The following B3GALT1 variants were observed in gnomAD, a reference collection of about 807,000 sequenced individuals.
The protein encoded by B3GALT1 is beta-1,3-galactosyltransferase 1.
B3GALT1 carries 10 observed loss-of-function variants against 23.2 expected under a neutral mutation model. That is an observed-to-expected ratio of 0.43 (90% CI 0.27 to 0.73). B3GALT1 has a LOEUF of 0.73. B3GALT1 is among the 30% of genes least tolerant of loss of function. The pLI is 0.21. For synonymous variants in B3GALT1, 156 were observed against 141.5 expected, an observed-to-expected ratio of 1.10 and a Z score of -0.73; for missense variants, 299 against 405.4, an observed-to-expected ratio of 0.74 and a Z score of 2.25.
chr2:167,714,246 G>A (rs1220035769), intron 3 of B3GALT1: 42 of 1,502,678 alleles, frequency 2.8e-5, no homozygotes, highest in Non-Finnish European at 3.7e-5. Flanking sequence ...CCTGGTGGAG[G>A]AAACATCATC....
intron 3 of B3GALT1, among the ~76,000 whole-genome samples, chr2:167,808,403 G>A (rs572176105): frequency 1.5e-4 from 23 of 151,580 alleles, no homozygotes; most frequent in Middle Eastern, 3.4e-3. Context: ...AGCCTCAATG[G>A]TCTTTACAGT....
At chr2:167,337,568 C>T (rs527554255) in intron 1 of B3GALT1, among the ~76,000 whole-genome samples, 1 of 152,054 alleles carries the variant, frequency 6.6e-6, no homozygotes, top group African/African-American at 2.4e-5. Context: ...CATTTGCTAA[C>T]TGTCATGCTA....
intron 1 of B3GALT1, among the ~76,000 whole-genome samples, chr2:167,422,954 ACAT>A (rs1260910137): frequency 2.6e-5 from 4 of 152,280 alleles, no homozygotes; most frequent in Admixed American, 6.5e-5. Context: ...AGCTATAGAA[ACAT>A]CATTCAGAAA....
intron 4 of B3GALT1, among the ~76,000 whole-genome samples, chr2:167,859,513 T>C (rs1027975788): frequency 6.6e-6 from 1 of 152,138 alleles, no homozygotes; most frequent in African/African-American, 2.4e-5. Context: ...GACATCCTCA[T>C]CCCAACCACT....
intron 2 of B3GALT1, among the ~76,000 whole-genome samples, chr2:167,526,408 C>T (rs1257271247): frequency 6.6e-6 from 1 of 152,166 alleles, no homozygotes; most frequent in Non-Finnish European, 1.5e-5. Context: ...AACCCCACAA[C>T]AAACATAAAG....
At chr2:167,792,764 A>C (rs1247256309) in intron 3 of B3GALT1, among the ~76,000 whole-genome samples, 1 of 152,188 alleles carries the variant, frequency 6.6e-6, no homozygotes, top group Admixed American at 6.5e-5. Flanking sequence ...CTGGATAGAC[A>C]CAGAGCCCCA....
chr2:167,639,304 AGTACCCTCCTAGAT>A lies in B3GALT1; in HGVS notation c.-409-7602_-409-7589del, dbSNP rs372720333. ...ATGTTGCAAATTTGACTATTTCCAC[AGTACCCTCCTAGAT>A]GTCTGATACCTGGTTTGCCTGTGAT... On this transcript the variant is annotated intron_variant, in intron 2 of 4. Coordinates refer to ENST00000392690, the MANE Select transcript of B3GALT1 (RefSeq NM_020981.4). Among the ~76,000 whole-genome samples, 929 of 152,182 alleles carry A rather than the reference AGTACCCTCCTAGAT, an allele frequency of 6.1e-3. 10 individuals are homozygous for A. The highest frequency in any genetic ancestry group is 0.021 in the African/African-American group (874 of 41,558).
chr2:167,821,072 C>CCT (rs1689095555), intron 4 of B3GALT1, among the ~76,000 whole-genome samples: 1 of 152,162 alleles, frequency 6.6e-6, no homozygotes, highest in South Asian at 2.1e-4. Context: ...GAGCTAAGAG[C>CCT]CTCTATCCTT....
At position 167,483,243 on chromosome 2, in the gene B3GALT1, A is replaced by C. The variant is rs76203730; in HGVS notation, c.-510-6934A>C. Among the ~76,000 whole-genome samples the C allele has an allele frequency of 3.6e-3, 545 of 152,194 alleles. 20 individuals are homozygous for C. The East Asian group carries it at 0.078, about 22-fold the overall frequency. Reference sequence around the variant, plus strand: ...GGGAGATGGAGGTTGTGGTGAGCTGAGATCGCGCCATTGCACTCCAGCCTG... The same window carrying C: ...GGGAGATGGAGGTTGTGGTGAGCTGCGATCGCGCCATTGCACTCCAGCCTG... On this transcript the variant is annotated intron_variant, in intron 1 of 4. Coordinates refer to ENST00000392690, the MANE Select transcript of B3GALT1 (RefSeq NM_020981.4).
intron 1 of B3GALT1, among the ~76,000 whole-genome samples, chr2:167,324,917 C>A (rs140462257): frequency 6.6e-6 from 1 of 152,230 alleles, no homozygotes; most frequent in Non-Finnish European, 1.5e-5. Context: ...ATTCCACTCT[C>A]CACCTCTACG....
intron 2 of B3GALT1, among the ~76,000 whole-genome samples, chr2:167,496,925 G>A (rs1699790734): frequency 6.6e-6 from 1 of 152,112 alleles, no homozygotes; most frequent in South Asian, 2.1e-4. Context: ...CTCCAGCACT[G>A]TAGAAGTACA....
chr2:167,674,525 T>G (rs1174490798), intron 3 of B3GALT1, among the ~76,000 whole-genome samples: 2 of 152,212 alleles, frequency 1.3e-5, no homozygotes, highest in Non-Finnish European at 2.9e-5. Flanking sequence ...TCAGATAAGC[T>G]TTTCTCAAAG....
chr2:167,692,688 A>G (rs368306961), intron 3 of B3GALT1, among the ~76,000 whole-genome samples: 2 of 152,070 alleles, frequency 1.3e-5, no homozygotes, highest in East Asian at 3.9e-4. Flanking sequence ...TATATTTCTG[A>G]TTAATAATAA....
Position 167,654,921 on chromosome 2 carries a change from G to A in B3GALT1, c.-352+7955G>A, listed in dbSNP as rs553728971. On this transcript the variant is annotated intron_variant, in intron 3 of 4. Coordinates refer to ENST00000392690, the MANE Select transcript of B3GALT1 (RefSeq NM_020981.4). Reference sequence around the variant, plus strand: ...CCCACTAAATCAGTAGTTAGTGTCTGTAATTATCTGGGGAGGATAATGAAG... The same window carrying A: ...CCCACTAAATCAGTAGTTAGTGTCTATAATTATCTGGGGAGGATAATGAAG... Among the ~76,000 whole-genome samples the A allele has an allele frequency of 1.5e-4, 22 of 151,420 alleles. 1 individual carries two copies. In the East Asian group the frequency reaches 4.3e-3, roughly 29 times the overall value.
intron 1 of B3GALT1, among the ~76,000 whole-genome samples, chr2:167,299,545 C>A (rs527940991): frequency 5.1e-4 from 77 of 152,142 alleles, no homozygotes; most frequent in Admixed American, 1.6e-3. Context: ...ATGAGTAATG[C>A]ATGTTGATTT....
At chr2:167,756,771 A>G (rs552663454) in intron 3 of B3GALT1, among the ~76,000 whole-genome samples, 1 of 152,338 alleles carries the variant, frequency 6.6e-6, no homozygotes, top group Admixed American at 6.5e-5. Context: ...AAAGAGAAAG[A>G]AACTATGCGG....
intron 3 of B3GALT1, chr2:167,715,667 T>G: frequency 6.2e-7 from 1 of 1,613,566 alleles, no homozygotes; most frequent in Non-Finnish European, 8.5e-7. Flanking sequence ...CCTGTTCAGC[T>G]TTTCACAGGT....
chr2:167,765,615 C>T (rs1296183734), intron 3 of B3GALT1, among the ~76,000 whole-genome samples: 1 of 152,140 alleles, frequency 6.6e-6, no homozygotes, highest in Non-Finnish European at 1.5e-5. Flanking sequence ...TCTTATTCGG[C>T]TGTAATTAAT....
At chr2:167,767,640 A>G (rs953870703) in intron 3 of B3GALT1, among the ~76,000 whole-genome samples, 3 of 152,176 alleles carry the variant, frequency 2.0e-5, no homozygotes, top group African/African-American at 7.2e-5. Flanking sequence ...TGAAGACACC[A>G]CATATTTGTT....
Sources: gnomAD v4.1 joint callset for allele counts (sites outside exome capture counted in the v4.1 genomes callset) on GRCh38, gnomAD v4.1.1 for gene constraint, MANE v1.5 for transcripts, NCBI Gene and HGNC (gene_info 2026-07-23, HGNC 2026-07-21) for gene names.